EDIL3: variants seen among roughly 807,000 people sequenced by gnomAD.
The protein encoded by EDIL3 is EGF like and discoidin domains 3, also known as EGF-like repeat and discoidin I-like domain-containing protein 3.
In EDIL3, 37 loss-of-function variants were observed where a neutral mutation model predicts 67.4. The observed-to-expected ratio is 0.55, with a 90% confidence interval of 0.42 to 0.72. The LOEUF (loss-of-function observed/expected upper bound fraction) is 0.72. Ranked by LOEUF, EDIL3 falls within the 30% of genes least tolerant of loss-of-function variation. The pLI, the probability that EDIL3 is intolerant of heterozygous loss-of-function variation, is 0.00. For synonymous variants in EDIL3, 195 were observed against 196.3 expected (o/e 0.99, Z 0.05); for missense variants, 527 against 586.3 (o/e 0.90, Z 1.04).
At chr5:84,137,113 C>A in intron 5 of EDIL3, 128 bp downstream of exon 5, 1 of 662,532 alleles carries the variant, frequency 1.5e-6, no homozygotes, top group Non-Finnish European at 2.3e-6. Context: ...GATTTTGGCC[C>A]AGATTTCAAA....
rs1285432374 is a variant in EDIL3 at position 84,279,492 on chromosome 5, T to C, written c.68-25280A>G. Among the ~76,000 whole-genome samples, 7 of 152,224 alleles carry C rather than the reference T, an allele frequency of 4.6e-5. No homozygotes were observed. In the East Asian group the frequency reaches 5.8e-4, roughly 13 times the overall value. ...ATCACTGTATTTGCTAAACCCAAAA[T>C]AGCTGAAGCTTTATGAACAGATTAT... is the stretch of plus-strand genomic sequence containing the variant. On this transcript the variant is annotated intron_variant, in intron 1 of 10. Coordinates refer to ENST00000296591, the MANE Select transcript of EDIL3 (RefSeq NM_005711.5).
intron 1 of EDIL3, among the ~76,000 whole-genome samples, chr5:84,381,197 G>T (rs1308088196): frequency 1.3e-5 from 2 of 151,950 alleles, no homozygotes; most frequent in African/African-American, 4.8e-5. Flanking sequence ...TAATTCTAAG[G>T]AAACATTTCA....
intron 9 of EDIL3, among the ~76,000 whole-genome samples, chr5:83,974,348 G>T (rs1037359962): frequency 6.6e-6 from 1 of 151,756 alleles, no homozygotes; most frequent in Non-Finnish European, 1.5e-5. Context: ...AACAGCCCAG[G>T]TCAGCAGAGA....
chr5:84,303,824 G>C lies in EDIL3; in HGVS notation c.68-49612C>G, dbSNP rs1156903677. ...TCTCTCTCTCTGTGTGTGTGTGTGT[G>C]TGTGTGTGTGTGTGTGTGTGTGTGT... On this transcript the variant is annotated intron_variant, in intron 1 of 10. Coordinates refer to ENST00000296591, the MANE Select transcript of EDIL3 (RefSeq NM_005711.5). 3.7e-4 allele frequency among the ~76,000 whole-genome samples: 45 copies of C among 120,882 alleles called. 1 individual carries two copies. The highest frequency in any genetic ancestry group is 1.0e-3 in the South Asian group (3 of 2,944). 79.3% of individuals were successfully genotyped at this position (120,882 alleles called of 152,430 possible).
intron 9 of EDIL3, among the ~76,000 whole-genome samples, chr5:84,029,849 T>TA (rs966613433): frequency 9.2e-5 from 14 of 152,152 alleles, no homozygotes; most frequent in Non-Finnish European, 1.2e-4. Context: ...AAGATCTATT[T>TA]AAAAAATTGC....
chr5:84,139,236 C>T (rs113301044), intron 4 of EDIL3, among the ~76,000 whole-genome samples: 4,212 of 131,712 alleles, frequency 0.032, 84 homozygotes, highest in Middle Eastern at 0.08. Context: ...GACTCTGTCT[C>T]GGGGGAAAAA....
At chr5:84,089,136 T>C (rs958547758) in intron 6 of EDIL3, among the ~76,000 whole-genome samples, 3 of 152,172 alleles carry the variant, frequency 2.0e-5, no homozygotes, top group Non-Finnish European at 2.9e-5. Flanking sequence ...CAACTCTAAG[T>C]GGATGTCACT....
intron 1 of EDIL3, among the ~76,000 whole-genome samples, chr5:84,331,477 T>G (rs1746869921): frequency 6.6e-6 from 1 of 152,170 alleles, no homozygotes; most frequent in Non-Finnish European, 1.5e-5. Flanking sequence ...CAAGATCTGA[T>G]GGTTTTATAA....
chr5:84,097,331 C>T (rs369437117), intron 6 of EDIL3, among the ~76,000 whole-genome samples: 5 of 152,142 alleles, frequency 3.3e-5, no homozygotes, highest in South Asian at 4.2e-4. Context: ...TGTGACATTG[C>T]CCTAGTATTA....
chr5:84,187,454 C>T (rs1056919976), intron 3 of EDIL3, among the ~76,000 whole-genome samples: 1 of 152,032 alleles, frequency 6.6e-6, no homozygotes, highest in Non-Finnish European at 1.5e-5. Context: ...ATAATATGTA[C>T]TAGGCTTTGG....
chr5:84,259,913 G>A (rs1745196002), intron 1 of EDIL3, among the ~76,000 whole-genome samples: 1 of 152,160 alleles, frequency 6.6e-6, no homozygotes, highest in Admixed American at 6.5e-5. Flanking sequence ...GATTGTGGTT[G>A]TGCATTTTCT....
chr5:84,333,824 T>C (rs1276414309), intron 1 of EDIL3, among the ~76,000 whole-genome samples: 1 of 152,092 alleles, frequency 6.6e-6, no homozygotes, highest in African/African-American at 2.4e-5. Flanking sequence ...AAAGTTCACA[T>C]TTGGAAGAAT....
rs10708663 is a variant in EDIL3 at position 84,281,855 on chromosome 5, C to CTTT, written c.68-27646_68-27644dup. On this transcript the variant is annotated intron_variant, in intron 1 of 10. Transcript: ENST00000296591. The stretch of plus-strand genomic sequence containing the variant: ...TTCAGCATATTCAACTTTTATTTCA[C>CTTT]TTTTTTTTTTTTTTTTTTTTTTTTT... Among the ~76,000 whole-genome samples the CTTT allele has an allele frequency of 4.9e-3, 353 of 72,580 alleles. 2 individuals are homozygous for CTTT. Among genetic ancestry groups the CTTT allele is most frequent in the African/African-American group, 9.1e-3 (153 of 16,880 alleles). 47.6% of individuals were successfully genotyped at this position (72,580 alleles called of 152,430 possible). A position where few individuals can be genotyped will look rare whatever the true frequency, so the allele number is the denominator to read the frequency against.
At chr5:84,127,952 T>C (rs1372524994) in intron 5 of EDIL3, among the ~76,000 whole-genome samples, 1 of 152,162 alleles carries the variant, frequency 6.6e-6, no homozygotes, top group Non-Finnish European at 1.5e-5. Flanking sequence ...TATCAGGATG[T>C]CCCAATTGCA....
intron 1 of EDIL3, among the ~76,000 whole-genome samples, chr5:84,310,163 CTGAACCT>C (rs1481281248): frequency 6.6e-6 from 1 of 151,142 alleles, no homozygotes; most frequent in East Asian, 2.0e-4. Context: ...GACAAAATAA[CTGAACCT>C]TGAAATCTAC....
chr5:84,313,704 A>C (rs1216178854), intron 1 of EDIL3, among the ~76,000 whole-genome samples: 2 of 152,186 alleles, frequency 1.3e-5, no homozygotes, highest in Non-Finnish European at 2.9e-5. Flanking sequence ...TAAAAATCCC[A>C]ATGCCCAGGC....
chr5:84,129,509 G>A (rs934152496), intron 5 of EDIL3, among the ~76,000 whole-genome samples: 1 of 151,838 alleles, frequency 6.6e-6, no homozygotes, highest in African/African-American at 2.4e-5. Flanking sequence ...TCAGCCTGAG[G>A]CAAACTGTCC....
intron 1 of EDIL3, among the ~76,000 whole-genome samples, chr5:84,280,200 C>T (rs1745668765): frequency 6.6e-6 from 1 of 152,128 alleles, no homozygotes; most frequent in Admixed American, 6.5e-5. Context: ...CTTCCCTTCT[C>T]TTTAACTTTA....
At chr5:84,281,261 C>G (rs886742604) in intron 1 of EDIL3, among the ~76,000 whole-genome samples, 1 of 152,112 alleles carries the variant, frequency 6.6e-6, no homozygotes. Context: ...ATATTTTATT[C>G]ATAGGCTACT....
Sources: allele counts gnomAD v4.1 joint callset (sites outside exome capture counted in the v4.1 genomes callset), GRCh38; gene constraint gnomAD v4.1.1; transcripts MANE v1.5; gene names NCBI Gene and HGNC (gene_info 2026-07-23, HGNC 2026-07-21).